The following OSBP2 variants were observed in gnomAD, a reference collection of about 807,000 sequenced individuals.
The protein encoded by OSBP2 is oxysterol binding protein 2.
A neutral mutation model predicts 96.0 loss-of-function variants in OSBP2; 66 were observed. The ratio of observed to expected loss-of-function variants is 0.69; its 90% CI spans 0.56 to 0.84. The LOEUF (loss-of-function observed/expected upper bound fraction) is 0.84. OSBP2 is among the 40% of genes least tolerant of loss of function. The pLI is 0.00. For missense variants in OSBP2, 1,038 were observed against 1,222.7 expected (o/e 0.85, Z 2.25); for synonymous variants, 525 against 520.9 (o/e 1.01, Z -0.11).
In OSBP2 at chr22:30,795,518, A is replaced by AT. The variant is rs136288; in HGVS notation, c.853+54167dup. On this transcript the variant is annotated intron_variant, in intron 2 of 13. Transcript: ENST00000332585. The stretch of plus-strand genomic sequence containing the variant: ...TTCTGCCGTTAAACCTATCCAATGC[A>AT]TTTTTTTTTTTTTTTTTTGAGATGG... 6.8e-3 allele frequency among the ~76,000 whole-genome samples: 837 copies of AT among 122,264 alleles called. 9 individuals carry two copies. Among genetic ancestry groups the AT allele is most frequent in the African/African-American group, 0.013 (425 of 32,042 alleles). 80.2% of individuals were successfully genotyped at this position (122,264 alleles called of 152,430 possible).
intron 2 of OSBP2, among the ~76,000 whole-genome samples, chr22:30,824,426 C>A (rs1201272208): frequency 1.3e-5 from 2 of 152,134 alleles, no homozygotes; most frequent in Non-Finnish European, 2.9e-5. Flanking sequence ...GTTTGTCCCT[C>A]AGGTGTTCTG....
rs984628943 is a variant in OSBP2, at chr22:30,726,652, TAATA to T, written c.645-14497_645-14494del. ...CCCAGAACTTAAAGTAAATAATAAA[TAATA>T]AATAAATAAATGTAGTAATGTGACA... On this transcript the variant is annotated intron_variant, in intron 1 of 13. Coordinates refer to ENST00000332585, the MANE Select transcript of OSBP2 (RefSeq NM_030758.4). Among the ~76,000 whole-genome samples, 327 of 152,188 alleles carry T rather than the reference TAATA, an allele frequency of 2.1e-3. 3 individuals carry two copies. The highest frequency in any genetic ancestry group is 7.6e-3 in the African/African-American group (316 of 41,526).
chr22:30,904,307 C>T (rs2040282531), intron 12 of OSBP2, among the ~76,000 whole-genome samples: 1 of 152,226 alleles, frequency 6.6e-6, no homozygotes, highest in African/African-American at 2.4e-5. Context: ...CACCTGTCAG[C>T]TTCTCTGCTT....
intron 2 of OSBP2, among the ~76,000 whole-genome samples, chr22:30,751,344 T>C (rs960114748): frequency 1.3e-5 from 2 of 151,144 alleles, no homozygotes; most frequent in African/African-American, 4.8e-5. Flanking sequence ...TATATATATG[T>C]ATATATATAT....
At chr22:30,708,780 T>G (rs1179942851) in intron 1 of OSBP2, among the ~76,000 whole-genome samples, 3 of 150,512 alleles carry the variant, frequency 2.0e-5, no homozygotes, top group Non-Finnish European at 4.4e-5. Flanking sequence ...TGAGCCACCG[T>G]GCCCGGCCAA....
chr22:30,855,298 T>A (rs2039058468), intron 2 of OSBP2, among the ~76,000 whole-genome samples: 1 of 152,240 alleles, frequency 6.6e-6, no homozygotes, highest in Admixed American at 6.5e-5. Flanking sequence ...TTGGCTTACA[T>A]GCCCTACTGC....
chr22:30,731,600 A>G (rs1021567638), intron 1 of OSBP2: 1 of 154,106 alleles, frequency 6.5e-6, no homozygotes, highest in Admixed American at 6.5e-5. Flanking sequence ...TTTGTGTCCA[A>G]TACAGTCCAC....
chr22:30,838,403 G>A (rs1279395411), intron 2 of OSBP2, among the ~76,000 whole-genome samples: 1 of 152,134 alleles, frequency 6.6e-6, no homozygotes, highest in Non-Finnish European at 1.5e-5. Context: ...GAAAATATGA[G>A]GAAATAAAAG....
At chr22:30,865,319 T>C (rs899418458) in intron 2 of OSBP2, among the ~76,000 whole-genome samples, 2 of 152,030 alleles carry the variant, frequency 1.3e-5, no homozygotes, top group African/African-American at 4.8e-5. Context: ...CCTCTATGAT[T>C]TGAAGTAAAC....
chr22:30,862,801 G>C lies in OSBP2; in HGVS notation c.854-7628G>C, dbSNP rs554298498. On this transcript the variant is annotated intron_variant, in intron 2 of 13. Coordinates refer to ENST00000332585, the MANE Select transcript of OSBP2 (RefSeq NM_030758.4). ...AGCCTGGCCAACATAGTGAAACCCC[G>C]TCTCTACTAAAAATACAAAAAGTTA... Among the ~76,000 whole-genome samples, 73 of 151,140 alleles carry C rather than the reference G, an allele frequency of 4.8e-4. 1 individual carries two copies. In the South Asian group the frequency reaches 7.1e-3, roughly 15 times the overall value.
intron 1 of OSBP2, among the ~76,000 whole-genome samples, chr22:30,707,704 G>A (rs1193801153): frequency 6.7e-6 from 1 of 149,174 alleles, no homozygotes; most frequent in Non-Finnish European, 1.5e-5. Context: ...GCAACAGAGC[G>A]AGACTCTGTC....
At chr22:30,862,446 G>A (rs1266285509) in intron 2 of OSBP2, among the ~76,000 whole-genome samples, 2 of 152,272 alleles carry the variant, frequency 1.3e-5, no homozygotes, top group South Asian at 2.1e-4. Flanking sequence ...TTGGGAGGGT[G>A]AGGCAGGCAG....
chr22:30,880,769 A>T (rs1252802741), intron 3 of OSBP2, among the ~76,000 whole-genome samples: 1 of 152,220 alleles, frequency 6.6e-6, no homozygotes, highest in Non-Finnish European at 1.5e-5. Context: ...AAAAGCGATT[A>T]GAGTTTGTCC....
At chr22:30,897,834 C>T (rs2040098966) in intron 12 of OSBP2, among the ~76,000 whole-genome samples, 1 of 151,904 alleles carries the variant, frequency 6.6e-6, no homozygotes. Context: ...CTTGTAATCC[C>T]AGCTACTTGG....
At chr22:30,882,053 C>T (rs1414291760) in intron 3 of OSBP2, among the ~76,000 whole-genome samples, 2 of 152,218 alleles carry the variant, frequency 1.3e-5, no homozygotes, top group Non-Finnish European at 2.9e-5. Context: ...CCCTGCTGCA[C>T]GATGCCAGCT....
chr22:30,826,597 C>A (rs2038410549), intron 2 of OSBP2, among the ~76,000 whole-genome samples: 2 of 152,196 alleles, frequency 1.3e-5, no homozygotes, highest in Non-Finnish European at 2.9e-5. Flanking sequence ...CAAGTCTCAC[C>A]CTCCTAGAGG....
chr22:30,708,474 A>G (rs2089291147), intron 1 of OSBP2, among the ~76,000 whole-genome samples: 1 of 127,460 alleles, frequency 7.8e-6, no homozygotes, highest in African/African-American at 2.8e-5. Flanking sequence ...TCTAAAGGAT[A>G]AGGATTTTTT....
intron 1 of OSBP2, among the ~76,000 whole-genome samples, chr22:30,699,553 C>T (rs1442210546): frequency 6.6e-6 from 1 of 152,178 alleles, no homozygotes; most frequent in Non-Finnish European, 1.5e-5. Context: ...GGATCCTTAT[C>T]CTTTGCAAGA....
At chr22:30,816,385 A>G (rs2091083541) in intron 2 of OSBP2, among the ~76,000 whole-genome samples, 1 of 152,088 alleles carries the variant, frequency 6.6e-6, no homozygotes, top group Admixed American at 6.5e-5. Context: ...TTAGACTTCA[A>G]CAAGCAGAAG....
Sources: allele counts gnomAD v4.1 joint callset (sites outside exome capture counted in the v4.1 genomes callset), GRCh38; gene constraint gnomAD v4.1.1; transcripts MANE v1.5; gene names NCBI Gene and HGNC (gene_info 2026-07-23, HGNC 2026-07-21).